Variants in NEGR1 observed in about 807,000 individuals in gnomAD.
The protein encoded by NEGR1 is neuronal growth regulator 1.
Under a neutral mutation model 40.9 loss-of-function variants are expected in NEGR1, and 10 were observed. The observed-to-expected ratio is 0.24, with a 90% CI of 0.15 to 0.42. NEGR1 has a LOEUF of 0.42. NEGR1 is among the 10% of genes least tolerant of loss of function. The pLI is 1.00. For missense variants in NEGR1, 352 were observed against 438.9 expected, an observed-to-expected ratio of 0.80 and a Z score of 1.77; for synonymous variants, 185 against 166.8, an observed-to-expected ratio of 1.11 and a Z score of -0.84.
At chr1:72,000,763 A>T (rs1404707687) in intron 1 of NEGR1, among the ~76,000 whole-genome samples, 1 of 152,130 alleles carries the variant, frequency 6.6e-6, no homozygotes, top group African/African-American at 2.4e-5. Context: ...TGCAGCATCT[A>T]TTGTTTATTT....
chr1:71,640,295 C>T (rs1273143321), intron 4 of NEGR1, among the ~76,000 whole-genome samples: 1 of 152,014 alleles, frequency 6.6e-6, no homozygotes, highest in African/African-American at 2.4e-5. Flanking sequence ...ACTTTTGGCT[C>T]TGTAGAGACT....
chr1:71,540,312 G>A lies in NEGR1; in HGVS notation c.940+52505C>T, dbSNP rs1312410961. Among the ~76,000 whole-genome samples, 3 of 151,722 alleles carry A rather than the reference G, an allele frequency of 2.0e-5. No homozygotes were observed. In the South Asian group the frequency reaches 6.2e-4, roughly 31 times the overall value. On this transcript the variant is annotated intron_variant, in intron 6 of 6. Coordinates refer to ENST00000357731, the MANE Select transcript of NEGR1 (RefSeq NM_173808.3). ...TCAAGGATACAACAAGAATCCAACA[G>A]AAACTGATAGGTTTATAAAAGTCCA...
In NEGR1 at chr1:72,019,854, C is replaced by G. The variant is rs185279883; in HGVS notation, c.177-84543G>C. On this transcript the variant is annotated intron_variant, in intron 1 of 6. Transcript: ENST00000357731. ...TAAAGGCATTCTTCACTTAAATACTCAATATAAATAAAACCTTATGACTAT... is the reference window on the plus strand; with the variant it reads ...TAAAGGCATTCTTCACTTAAATACTGAATATAAATAAAACCTTATGACTAT... 4.6e-5 allele frequency among the ~76,000 whole-genome samples: 7 copies of G among 152,296 alleles called. No homozygotes were observed. In the East Asian group the frequency reaches 5.8e-4, roughly 13 times the overall value.
rs1649617117 is a variant in NEGR1, at chr1:72,117,251, T to A, written c.176+165068A>T. On this transcript the variant is annotated intron_variant, in intron 1 of 6. Transcript: ENST00000357731. Reference sequence around the variant, plus strand: ...TTTATGGTCTTAGTTATTTGTCTAATTAAATCTGTTACTTTTATTTAAACT... The same window carrying A: ...TTTATGGTCTTAGTTATTTGTCTAAATAAATCTGTTACTTTTATTTAAACT... Among the ~76,000 whole-genome samples the A allele has an allele frequency of 2.0e-5, 3 of 151,872 alleles. No individual in the cohort carries two copies. The South Asian group carries it at 6.2e-4, about 31-fold the overall frequency.
intron 6 of NEGR1, among the ~76,000 whole-genome samples, chr1:71,450,902 ATTAC>A (rs1375893364): frequency 6.6e-6 from 1 of 152,102 alleles, no homozygotes; most frequent in Non-Finnish European, 1.5e-5. Flanking sequence ...ATGATTAAAT[ATTAC>A]TTACAGTGTG....
chr1:71,418,509 C>G (rs1646372108), intron 6 of NEGR1, among the ~76,000 whole-genome samples: 1 of 151,926 alleles, frequency 6.6e-6, no homozygotes, highest in Non-Finnish European at 1.5e-5. Context: ...TGTAGCTCCT[C>G]TAAGATCACA....
At chr1:71,567,277 G>T (rs1648650966) in intron 6 of NEGR1, among the ~76,000 whole-genome samples, 1 of 151,978 alleles carries the variant, frequency 6.6e-6, no homozygotes, top group South Asian at 2.1e-4. Context: ...ATTAAGTATT[G>T]CAGAGTTTAA....
rs1385912 is a variant in NEGR1 at position 72,117,692 on chromosome 1, T to G, written c.176+164627A>C. On this transcript the variant is annotated intron_variant, in intron 1 of 6. Transcript: ENST00000357731. ...TTACCAGTCCCCCAGAGCCAGACAT[T>G]TATTCCGCAATGGAAAATAAATATC... Among the ~76,000 whole-genome samples, 11 of 151,562 alleles carry G rather than the reference T, an allele frequency of 7.3e-5. 1 individual carries two copies. In the South Asian group the frequency reaches 2.3e-3, roughly 31 times the overall value.
At chr1:72,106,039 G>A (rs1649122257) in intron 1 of NEGR1, among the ~76,000 whole-genome samples, 2 of 152,008 alleles carry the variant, frequency 1.3e-5, no homozygotes, top group African/African-American at 2.4e-5. Flanking sequence ...TAATTTTTGA[G>A]GAGGAGAAAC....
At chr1:71,464,780 C>G (rs1335852030) in intron 6 of NEGR1, among the ~76,000 whole-genome samples, 3 of 152,094 alleles carry the variant, frequency 2.0e-5, no homozygotes, top group African/African-American at 7.2e-5. Context: ...ATGTTCTTGA[C>G]TAGACAGAGC....
chr1:71,610,972 C>G, intron 5 of NEGR1, 54 bp downstream of exon 5: 2 of 1,562,614 alleles, frequency 1.3e-6, no homozygotes, highest in African/African-American at 2.7e-5. Context: ...ATCTGAAACA[C>G]AAGCACGTTA....
At chr1:71,599,887 C>T (rs1190693515) in intron 5 of NEGR1, among the ~76,000 whole-genome samples, 1 of 152,178 alleles carries the variant, frequency 6.6e-6, no homozygotes, top group Non-Finnish European at 1.5e-5. Flanking sequence ...TCAAGCCTCC[C>T]TGACTGCTGT....
chr1:71,435,148 T>C (rs1264971393), intron 6 of NEGR1, among the ~76,000 whole-genome samples: 2 of 151,944 alleles, frequency 1.3e-5, no homozygotes, highest in Admixed American at 6.6e-5. Flanking sequence ...TGTATCTACA[T>C]CAGCAGGGGC....
chr1:72,133,859 T>C lies in NEGR1; in HGVS notation c.176+148460A>G, dbSNP rs961824225. Among the ~76,000 whole-genome samples the C allele has an allele frequency of 2.6e-5, 4 of 151,966 alleles. No individual in the cohort carries two copies. The East Asian group carries it at 5.8e-4, about 22-fold the overall frequency. ...AAAAGTAAATTTCATATGAATATTT[T>C]AATAATCGAGTTTTACAGTACTATT... On this transcript the variant is annotated intron_variant, in intron 1 of 6. Coordinates refer to ENST00000357731, the MANE Select transcript of NEGR1 (RefSeq NM_173808.3).
chr1:72,149,173 C>A (rs1253817650), intron 1 of NEGR1, among the ~76,000 whole-genome samples: 3 of 152,006 alleles, frequency 2.0e-5, no homozygotes, highest in East Asian at 3.9e-4. Flanking sequence ...ACATGGGGGG[C>A]AGCAAGAAAA....
At chr1:71,836,347 T>G (rs1659027466) in intron 2 of NEGR1, among the ~76,000 whole-genome samples, 1 of 151,168 alleles carries the variant, frequency 6.6e-6, no homozygotes, top group South Asian at 2.1e-4. Context: ...AATTGCTGCT[T>G]GAACCTGTGA....
intron 3 of NEGR1, among the ~76,000 whole-genome samples, chr1:71,766,644 G>A (rs548371119): frequency 2.6e-5 from 4 of 152,128 alleles, no homozygotes; most frequent in African/African-American, 4.8e-5. Context: ...ATTTTTAAAC[G>A]GCTTTCAACA....
chr1:71,936,321 A>G (rs146375149), intron 1 of NEGR1, among the ~76,000 whole-genome samples: 1 of 152,222 alleles, frequency 6.6e-6, no homozygotes, highest in Non-Finnish European at 1.5e-5. Flanking sequence ...GCTAGCAAAC[A>G]TTTATAAGAT....
intron 6 of NEGR1, among the ~76,000 whole-genome samples, chr1:71,510,339 G>A (rs1001554504): frequency 6.6e-6 from 1 of 152,140 alleles, no homozygotes; most frequent in Non-Finnish European, 1.5e-5. Context: ...ACAACTTCTA[G>A]AGTGATTCAA....
Sources: allele counts gnomAD v4.1 joint callset (sites outside exome capture counted in the v4.1 genomes callset), GRCh38; gene constraint gnomAD v4.1.1; transcripts MANE v1.5; gene names NCBI Gene and HGNC (gene_info 2026-07-23, HGNC 2026-07-21).